The following UBA6 variants were observed in gnomAD, a reference collection of about 807,000 sequenced individuals.
The protein encoded by UBA6 is ubiquitin like modifier activating enzyme 6.
A neutral mutation model predicts 148.3 loss-of-function variants in UBA6; 87 were observed. The observed-to-expected ratio is 0.59, with a 90% CI of 0.49 to 0.70. The LOEUF (loss-of-function observed/expected upper bound fraction) is 0.70, where lower values mean the gene tolerates loss of function less well. Ranked by LOEUF, UBA6 falls within the 30% of genes least tolerant of loss-of-function variation. The probability of loss-of-function intolerance (pLI) is 0.00; values close to 1 mark genes in which losing one functional copy is unlikely to be tolerated. For missense variants in UBA6, 1,186 were observed against 1,241.2 expected, an observed-to-expected ratio of 0.96 and a Z score of 0.67; for synonymous variants, 376 against 401.0, an observed-to-expected ratio of 0.94 and a Z score of 0.75.
At position 67,618,983 on chromosome 4, in the gene UBA6, T is replaced by TTA. The variant is rs1208638095; in HGVS notation, c.*13_*14insTA. 5.6e-6 allele frequency: 9 copies of TTA among 1,611,612 alleles called. No individual in the cohort carries two copies. The highest frequency in any genetic ancestry group is 7.6e-6 in the Non-Finnish European group (9 of 1,179,334). On this transcript the variant is annotated 3_prime_UTR_variant, in exon 33 of 33. Coordinates refer to ENST00000322244, the MANE Select transcript of UBA6 (RefSeq NM_018227.6). Reference sequence around the variant, plus strand: ...AAATCAAGTGGTCCTGGAGTAACGTTAAGACAACTTGTATTAATCAGTGTC... The same window carrying TTA: ...AAATCAAGTGGTCCTGGAGTAACGTTTAAAGACAACTTGTATTAATCAGTGTC...
intron 2 of UBA6, 137 bp downstream of exon 2, chr4:67,696,508 C>A: frequency 3.4e-6 from 2 of 590,634 alleles, no homozygotes; most frequent in Non-Finnish European, 5.9e-6. Flanking sequence ...TACACACATA[C>A]ATATATACAT....
intron 7 of UBA6, among the ~76,000 whole-genome samples, chr4:67,670,845 A>T (rs1473728939): frequency 7.3e-6 from 1 of 136,352 alleles, no homozygotes; most frequent in Non-Finnish European, 1.6e-5. Context: ...TAAATTTTTA[A>T]ATAACAAAAA....
intron 10 of UBA6, 125 bp from the exon 11 acceptor site, chr4:67,664,072 G>T: frequency 3.2e-6 from 2 of 624,140 alleles, no homozygotes; most frequent in Non-Finnish European, 2.7e-6. Flanking sequence ...AAGTAGGGTT[G>T]GGCTGGTATG....
Position 67,677,547 on chromosome 4 carries a change from T to C in UBA6, c.465+64A>G, listed in dbSNP as rs114614906. ...CACTAGGTTAAATTAGTTAAACATA[T>C]TAATATTTAACAATTTTGCCCTGGA... On this transcript the variant is annotated intron_variant, in intron 6 of 32. Transcript: ENST00000322244. The C allele has an allele frequency of 9.9e-4, 796 of 800,774 alleles. 2 individuals carry two copies. In the African/African-American group the frequency reaches 0.011, roughly 11 times the overall value. 49.6% of individuals were successfully genotyped at this position (800,774 alleles called of 1,614,324 possible). A position where few individuals can be genotyped will look rare whatever the true frequency, so the allele number is the denominator to read the frequency against.
intron 7 of UBA6, among the ~76,000 whole-genome samples, chr4:67,673,249 C>T (rs1037361039): frequency 2.6e-5 from 4 of 151,838 alleles, no homozygotes; most frequent in South Asian, 2.1e-4. Flanking sequence ...CCCGTCTCTA[C>T]TAAAAATACA....
At chr4:67,620,999 G>T (rs1243341944) in intron 32 of UBA6, among the ~76,000 whole-genome samples, 1 of 152,120 alleles carries the variant, frequency 6.6e-6, no homozygotes, top group African/African-American at 2.4e-5. Context: ...AAAGGTCAAT[G>T]TAATAAAATG....
At chr4:67,685,634 G>A (rs1273842461) in intron 2 of UBA6, among the ~76,000 whole-genome samples, 3 of 152,170 alleles carry the variant, frequency 2.0e-5, no homozygotes, top group East Asian at 1.9e-4. Flanking sequence ...ACCCCGTTAC[G>A]TAGGACCTAA....
At chr4:67,689,255 A>G (rs1730640365) in intron 2 of UBA6, among the ~76,000 whole-genome samples, 2 of 152,160 alleles carry the variant, frequency 1.3e-5, no homozygotes, top group African/African-American at 4.8e-5. Context: ...GGTGTACTAT[A>G]TGCATTTTCA....
intron 32 of UBA6, among the ~76,000 whole-genome samples, chr4:67,622,181 G>GACTCTAAATAA (rs1297372287): frequency 6.6e-6 from 1 of 152,174 alleles, no homozygotes; most frequent in African/African-American, 2.4e-5. Context: ...GAGTCTTGCA[G>GACTCTAAATAA]ACCACGATAA....
chr4:67,699,559 T>C (rs1327500647), intron 1 of UBA6, among the ~76,000 whole-genome samples: 2 of 130,476 alleles, frequency 1.5e-5, no homozygotes, highest in Non-Finnish European at 3.5e-5. Flanking sequence ...CAATATACCC[T>C]GTTTGGGCAT....
chr4:67,682,686 C>G (rs561746221), intron 2 of UBA6, among the ~76,000 whole-genome samples: 1 of 152,220 alleles, frequency 6.6e-6, no homozygotes, highest in East Asian at 1.9e-4. Context: ...AGTTATGCAT[C>G]CTAATAGCCA....
chr4:67,664,235 A>C (rs1225998405), intron 10 of UBA6, among the ~76,000 whole-genome samples: 1 of 152,098 alleles, frequency 6.6e-6, no homozygotes, highest in Non-Finnish European at 1.5e-5. Context: ...TTAATCTAAA[A>C]GCTACCATAT....
At chr4:67,628,970 G>A in intron 27 of UBA6, 101 bp downstream of exon 27, 2 of 828,836 alleles carry the variant, frequency 2.4e-6, no homozygotes, top group East Asian at 2.5e-5. Context: ...AAGAGCAAGA[G>A]CAAGAACCAT....
At chr4:67,676,244 G>A (rs769609235) in intron 6 of UBA6, among the ~76,000 whole-genome samples, 14 of 152,082 alleles carry the variant, frequency 9.2e-5, no homozygotes, top group Admixed American at 3.9e-4. Context: ...GGCTGGTCTC[G>A]AACTCCTGAC....
chr4:67,640,422 A>G (rs953028488), intron 18 of UBA6, among the ~76,000 whole-genome samples: 1 of 152,208 alleles, frequency 6.6e-6, no homozygotes, highest in East Asian at 1.9e-4. Flanking sequence ...GTTTACTAAG[A>G]CTTGCAATGA....
At chr4:67,640,830 G>A (rs374073234) in intron 18 of UBA6, among the ~76,000 whole-genome samples, 33 of 152,188 alleles carry the variant, frequency 2.2e-4, no homozygotes, top group African/African-American at 7.5e-4. Context: ...TGCCAAATTT[G>A]CTACCAAAAC....
At chr4:67,634,163 A>T in intron 22 of UBA6, 79 bp downstream of exon 22, 1 of 937,694 alleles carries the variant, frequency 1.1e-6, no homozygotes, top group South Asian at 2.0e-5. Context: ...AGGTAAAATA[A>T]ATCACTTGTA....
chr4:67,668,924 A>T (rs184410861), intron 8 of UBA6, among the ~76,000 whole-genome samples: 27 of 152,330 alleles, frequency 1.8e-4, no homozygotes, highest in African/African-American at 6.0e-4. Context: ...AAAATTCCAC[A>T]GAAAGGATCA....
intron 14 of UBA6, among the ~76,000 whole-genome samples, chr4:67,647,706 C>A (rs1479516042): frequency 6.6e-6 from 1 of 150,964 alleles, no homozygotes; most frequent in African/African-American, 2.4e-5. Flanking sequence ...TGAACATGAA[C>A]AAATGGTTAT....
Sources: allele counts gnomAD v4.1 joint callset (sites outside exome capture counted in the v4.1 genomes callset), GRCh38; gene constraint gnomAD v4.1.1; transcripts MANE v1.5; gene names NCBI Gene and HGNC (gene_info 2026-07-23, HGNC 2026-07-21).